The following ADCY2 variants were observed in gnomAD, a reference collection of about 807,000 sequenced individuals.
ADCY2 encodes adenylate cyclase 2, also known as adenylate cyclase type 2.
ADCY2 carries 31 observed loss-of-function variants against 125.2 expected under a neutral mutation model. That is an observed-to-expected ratio of 0.25 (90% confidence interval 0.19 to 0.33). The LOEUF (loss-of-function observed/expected upper bound fraction) is 0.33, where lower values mean the gene tolerates loss of function less well. Ranked by LOEUF, ADCY2 falls within the 10% of genes least tolerant of loss-of-function variation. ADCY2 has a pLI of 1.00. For missense variants in ADCY2, 904 were observed against 1,418.2 expected (o/e 0.64, Z 5.82); for synonymous variants, 512 against 548.4 (o/e 0.93, Z 0.93).
intron 3 of ADCY2, among the ~76,000 whole-genome samples, chr5:7,572,607 C>T (rs1736101007): frequency 6.6e-6 from 1 of 152,070 alleles, no homozygotes; most frequent in African/African-American, 2.4e-5. Flanking sequence ...TCTGTTTACT[C>T]TGTTGGTGTG....
intron 2 of ADCY2, among the ~76,000 whole-genome samples, chr5:7,440,747 G>A (rs748699580): frequency 2.6e-5 from 4 of 152,160 alleles, no homozygotes; most frequent in Non-Finnish European, 4.4e-5. Context: ...TTTTCAAAAT[G>A]TCAAAAACAG....
chr5:7,428,999 A>G (rs185837165), intron 2 of ADCY2, among the ~76,000 whole-genome samples: 102 of 130,100 alleles, frequency 7.8e-4, no homozygotes, highest in Non-Finnish European at 1.2e-3. Flanking sequence ...ACCAAGAGGT[A>G]TGAGAAGAGT....
At chr5:7,467,201 G>A (rs777261505) in intron 2 of ADCY2, among the ~76,000 whole-genome samples, 35 of 152,240 alleles carry the variant, frequency 2.3e-4, no homozygotes, top group Middle Eastern at 3.4e-3. Context: ...GCTCTTAACC[G>A]CTCAGCTATC....
intron 1 of ADCY2, among the ~76,000 whole-genome samples, chr5:7,401,209 G>C (rs1739251980): frequency 2.6e-5 from 4 of 152,216 alleles, no homozygotes; most frequent in Admixed American, 1.3e-4. Flanking sequence ...ACTGTTAGCT[G>C]TTCCTAGGTC....
chr5:7,711,851 C>T (rs1002424853), intron 10 of ADCY2, among the ~76,000 whole-genome samples: 5 of 152,178 alleles, frequency 3.3e-5, no homozygotes, highest in Admixed American at 3.3e-4. Flanking sequence ...TTTAAGAAAG[C>T]CCCAAGTTTT....
intron 2 of ADCY2, among the ~76,000 whole-genome samples, chr5:7,510,403 C>T (rs1479972112): frequency 6.6e-6 from 1 of 152,194 alleles, no homozygotes; most frequent in Admixed American, 6.5e-5. Context: ...ACTCTGATCA[C>T]AGGACTCACT....
At chr5:7,752,383 A>G (rs1182537541) in intron 15 of ADCY2, among the ~76,000 whole-genome samples, 2 of 152,206 alleles carry the variant, frequency 1.3e-5, no homozygotes, top group African/African-American at 2.4e-5. Flanking sequence ...TGAAACCACT[A>G]TATTTTCCAA....
chr5:7,466,230 A>C (rs1430244938), intron 2 of ADCY2, among the ~76,000 whole-genome samples: 4 of 152,206 alleles, frequency 2.6e-5, no homozygotes, highest in Non-Finnish European at 5.9e-5. Context: ...AAAATCCTCA[A>C]GATATGCCTC....
intron 15 of ADCY2, among the ~76,000 whole-genome samples, chr5:7,754,820 G>A (rs1742936532): frequency 1.3e-5 from 2 of 151,498 alleles, no homozygotes; most frequent in Non-Finnish European, 2.9e-5. Context: ...TCGTGCCATT[G>A]AACTCCAGCC....
Position 7,640,228 on chromosome 5 carries a change from A to G in ADCY2, c.720+13912A>G, listed in dbSNP as rs543876418. Among the ~76,000 whole-genome samples the G allele has an allele frequency of 8.5e-5, 13 of 152,304 alleles. No homozygotes were observed. In the South Asian group the frequency reaches 2.7e-3, roughly 32 times the overall value. ...AATTTTATTAACGAGTCAAGGAAAA[A>G]AATGTTTAGAGGAATATTTACGAGT... is the stretch of plus-strand genomic sequence containing the variant. On this transcript the variant is annotated intron_variant, in intron 4 of 24. Transcript: ENST00000338316.
Position 7,538,378 on chromosome 5 carries a change from G to A in ADCY2, c.570+17479G>A, listed in dbSNP as rs532558549. On this transcript the variant is annotated intron_variant, in intron 3 of 24. Coordinates refer to ENST00000338316, the MANE Select transcript of ADCY2 (RefSeq NM_020546.3). ...TAAAAGAGGACCAATAATGGAATAC[G>A]ACTGAGGATTAGGGATTGGGAGTAT... Among the ~76,000 whole-genome samples, 381 of 152,258 alleles carry A rather than the reference G, an allele frequency of 2.5e-3. 2 individuals carry two copies. Among genetic ancestry groups the A allele is most frequent in the Non-Finnish European group, 4.2e-3 (284 of 68,012 alleles).
intron 2 of ADCY2, among the ~76,000 whole-genome samples, chr5:7,452,547 T>C (rs994356655): frequency 6.6e-6 from 1 of 152,212 alleles, no homozygotes; most frequent in Non-Finnish European, 1.5e-5. Flanking sequence ...AATTGTGAAA[T>C]GTGCTGTGAT....
intron 17 of ADCY2, among the ~76,000 whole-genome samples, chr5:7,771,199 C>A (rs372059992): frequency 2.0e-5 from 3 of 152,148 alleles, no homozygotes; most frequent in Non-Finnish European, 2.9e-5. Flanking sequence ...GCATGCTAGA[C>A]CCCTCCTCCC....
At position 7,396,663 on chromosome 5, in the gene ADCY2, T is replaced by C. The variant is rs1406411312; in HGVS notation, c.210+157T>C. Among the ~76,000 whole-genome samples, 1 of 146,352 alleles carries C rather than the reference T, an allele frequency of 6.8e-6. No individual in the cohort carries two copies. Among genetic ancestry groups the C allele is most frequent in the Non-Finnish European group, 1.5e-5 (1 of 67,044 alleles). Reference sequence around the variant, plus strand: ...GCCCGCGGCTCCCTGCTTCTCCTGCTGGCCCGCGGCCCGGTGGACTCTGGC... The same window carrying C: ...GCCCGCGGCTCCCTGCTTCTCCTGCCGGCCCGCGGCCCGGTGGACTCTGGC... On this transcript the variant is annotated intron_variant, in intron 1 of 24. Transcript: ENST00000338316. The surrounding 1 kb of genome is among the most constrained non-coding windows in gnomAD (Gnocchi z 5.7).
At position 7,401,289 on chromosome 5, in the gene ADCY2, G is replaced by A. The variant is rs535978989; in HGVS notation, c.210+4783G>A. Among the ~76,000 whole-genome samples, 7 of 152,292 alleles carry A rather than the reference G, an allele frequency of 4.6e-5. No homozygotes were observed. The South Asian group carries it at 1.5e-3, about 32-fold the overall frequency. On this transcript the variant is annotated intron_variant, in intron 1 of 24. Transcript: ENST00000338316. ...CACATTGCATTAGAGCCAGAAAGGT[G>A]CTCATTCTACAGATGATGAAACTGA...
rs572945228 is a variant in ADCY2 at position 7,434,590 on chromosome 5, C to T, written c.408+19820C>T. On this transcript the variant is annotated intron_variant, in intron 2 of 24. Coordinates refer to ENST00000338316, the MANE Select transcript of ADCY2 (RefSeq NM_020546.3). Reference sequence around the variant, plus strand: ...GTAGGACATATAAACTCCACATGCTCTTAGGATGTGCACACAAACTCTAAG... The same window carrying T: ...GTAGGACATATAAACTCCACATGCTTTTAGGATGTGCACACAAACTCTAAG... Among the ~76,000 whole-genome samples, 39 of 152,320 alleles carry T rather than the reference C, an allele frequency of 2.6e-4. 2 individuals are homozygous for T. In the South Asian group the frequency reaches 7.5e-3, roughly 29 times the overall value.
At chr5:7,804,464 C>G in intron 21 of ADCY2, 121 bp from the exon 22 acceptor site, 1 of 771,364 alleles carries the variant, frequency 1.3e-6, no homozygotes, top group Non-Finnish European at 2.3e-6. Flanking sequence ...AGGGTGCATA[C>G]GCAGTGGTTG....
intron 16 of ADCY2, among the ~76,000 whole-genome samples, chr5:7,766,014 T>C (rs1743364762): frequency 1.3e-5 from 2 of 152,302 alleles, no homozygotes; most frequent in Admixed American, 6.5e-5. Flanking sequence ...GTTGATACTG[T>C]CCTTCTGATG....
chr5:7,476,278 C>A (rs924670298), intron 2 of ADCY2, among the ~76,000 whole-genome samples: 4 of 151,760 alleles, frequency 2.6e-5, no homozygotes, highest in Non-Finnish European at 5.9e-5. Flanking sequence ...TGGGTGAGAT[C>A]CCCCAGGAAG....
Sources: allele counts gnomAD v4.1 joint callset (sites outside exome capture counted in the v4.1 genomes callset), GRCh38; gene constraint gnomAD v4.1.1; non-coding constraint Gnocchi (gnomAD v3.1); transcripts MANE v1.5; gene names NCBI Gene and HGNC (gene_info 2026-07-23, HGNC 2026-07-21).